KSR2: variants seen among roughly 807,000 people sequenced by gnomAD.
The protein encoded by KSR2 is kinase suppressor of ras 2.
In KSR2, 25 loss-of-function variants were observed where a neutral mutation model predicts 107.8. The ratio of observed to expected loss-of-function variants is 0.23; its 90% CI spans 0.17 to 0.32. The LOEUF (loss-of-function observed/expected upper bound fraction) is 0.32, where lower values mean the gene tolerates loss of function less well. Among genes scored for constraint, KSR2 ranks in the 10% least tolerant of loss-of-function variants. The pLI, the probability that KSR2 is intolerant of heterozygous loss-of-function variation, is 1.00. For synonymous variants in KSR2, 480 were observed against 507.0 expected, an observed-to-expected ratio of 0.95 and a Z score of 0.71; for missense variants, 887 against 1,268.9, an observed-to-expected ratio of 0.70 and a Z score of 4.57.
At chr12:117,840,876 C>T (rs34084814) in intron 3 of KSR2, among the ~76,000 whole-genome samples, 23,088 of 151,920 alleles carry the variant, frequency 0.15, 3,142 homozygotes, top group African/African-American at 0.37. Flanking sequence ...GTGGTGGGTG[C>T]CTGTAATCCC....
intron 1 of KSR2, among the ~76,000 whole-genome samples, chr12:117,917,099 C>T (rs1237745493): frequency 6.6e-6 from 1 of 152,186 alleles, no homozygotes; most frequent in Non-Finnish European, 1.5e-5. Context: ...CACCATCCTC[C>T]CCAAAGTCGT....
At chr12:117,768,029 A>G (rs1889307600) in intron 3 of KSR2, among the ~76,000 whole-genome samples, 1 of 152,120 alleles carries the variant, frequency 6.6e-6, no homozygotes, top group South Asian at 2.1e-4. Flanking sequence ...CTGGTCCACC[A>G]CACCACACAG....
rs12579989 is a variant in KSR2, at chr12:117,651,222, C to T, written c.1171+16252G>A. ...GTCTGAGGGGATAAACCCTGCCCTG[C>T]CTGAGGCAACAGTGATGGCCTCCTC... On this transcript the variant is annotated intron_variant, in intron 5 of 19. Transcript: ENST00000339824. Among the ~76,000 whole-genome samples, 20 of 152,314 alleles carry T rather than the reference C, an allele frequency of 1.3e-4. No homozygotes were observed. The East Asian group carries it at 3.7e-3, about 28-fold the overall frequency.
At chr12:117,543,419 T>G (rs1414733105) in intron 9 of KSR2, among the ~76,000 whole-genome samples, 1 of 152,198 alleles carries the variant, frequency 6.6e-6, no homozygotes, top group African/African-American at 2.4e-5. Context: ...GTATATCCAT[T>G]TTGGTCTTGA....
intron 1 of KSR2, among the ~76,000 whole-genome samples, chr12:117,926,248 C>T (rs575216979): frequency 6.2e-4 from 95 of 152,244 alleles, no homozygotes; most frequent in African/African-American, 2.2e-3. Context: ...AGCTCTCTCC[C>T]CATCCCAGCC....
chr12:117,730,814 A>G (rs1454968614), intron 4 of KSR2, among the ~76,000 whole-genome samples: 3 of 152,238 alleles, frequency 2.0e-5, no homozygotes, highest in African/African-American at 7.2e-5. Context: ...TCAGTGCTCA[A>G]TGTTGCCCAG....
At chr12:117,634,860 C>T (rs150592902) in intron 5 of KSR2, among the ~76,000 whole-genome samples, 76 of 152,298 alleles carry the variant, frequency 5.0e-4, no homozygotes, top group Middle Eastern at 3.4e-3. Flanking sequence ...AAGGCAGACC[C>T]TCTGGCCACC....
At chr12:117,777,634 C>T (rs11609400) in intron 3 of KSR2, among the ~76,000 whole-genome samples, 3,569 of 152,248 alleles carry the variant, frequency 0.023, 50 homozygotes, top group Non-Finnish European at 0.038. Flanking sequence ...TGTTGTTATC[C>T]GTTTATCATC....
At chr12:117,470,377 A>C (rs537163107) in intron 18 of KSR2, among the ~76,000 whole-genome samples, 21 of 150,200 alleles carry the variant, frequency 1.4e-4, no homozygotes, top group African/African-American at 4.9e-4. Context: ...TTAATTCTTC[A>C]TCCTTCATTA....
chr12:117,594,372 T>C (rs1300969739), intron 5 of KSR2, among the ~76,000 whole-genome samples: 2 of 152,200 alleles, frequency 1.3e-5, no homozygotes, highest in African/African-American at 2.4e-5. Flanking sequence ...CTCTCTCAGT[T>C]TCCTGAGACT....
At chr12:117,781,643 C>CA (rs1372677210) in intron 3 of KSR2, among the ~76,000 whole-genome samples, 2 of 152,286 alleles carry the variant, frequency 1.3e-5, no homozygotes, top group African/African-American at 4.8e-5. Context: ...TCCTGATGCT[C>CA]AGGGACCATG....
At chr12:117,592,115 C>G (rs570819619) in intron 5 of KSR2, among the ~76,000 whole-genome samples, 1 of 151,726 alleles carries the variant, frequency 6.6e-6, no homozygotes, top group Non-Finnish European at 1.5e-5. Context: ...ATCGCTTTCC[C>G]CCCAACTTTT....
chr12:117,885,498 A>C (rs1018685391), intron 1 of KSR2, among the ~76,000 whole-genome samples: 1 of 152,136 alleles, frequency 6.6e-6, no homozygotes, highest in Non-Finnish European at 1.5e-5. Context: ...TGCTGGGGTT[A>C]TCTCTGGGGA....
chr12:117,721,749 C>A (rs183084566), intron 4 of KSR2, among the ~76,000 whole-genome samples: 4 of 152,308 alleles, frequency 2.6e-5, no homozygotes, highest in Admixed American at 2.6e-4. Context: ...AAGAAACTGG[C>A]ATCTTATTTC....
chr12:117,455,026 CAGACAGACAG>C lies in KSR2; in HGVS notation c.*12163_*12172del, dbSNP rs1244573090. 1.8e-5 allele frequency: 2 copies of C among 112,584 alleles called. No homozygotes were observed. The highest frequency in any genetic ancestry group is 3.6e-5 in the African/African-American group (1 of 27,558). The allele number at this position is 112,584 out of a possible 1,614,324, so 7.0% of individuals were successfully genotyped here. A position where few individuals can be genotyped will look rare whatever the true frequency, so the allele number is the denominator to read the frequency against. ...GCAGAGACAGAGACAGACACAGAGA[CAGACAGACAG>C]AGAGAGAGAGAGAGAGAGAGAGAGA... On this transcript the variant is annotated 3_prime_UTR_variant, in exon 20 of 20. Transcript: ENST00000339824.
intron 4 of KSR2, among the ~76,000 whole-genome samples, chr12:117,710,763 T>A (rs1341633876): frequency 6.6e-6 from 1 of 152,170 alleles, no homozygotes; most frequent in East Asian, 1.9e-4. Context: ...AGTACTATCA[T>A]GATGGTGATA....
At chr12:117,659,502 C>T (rs541539899) in intron 5 of KSR2, among the ~76,000 whole-genome samples, 10 of 152,168 alleles carry the variant, frequency 6.6e-5, no homozygotes, top group East Asian at 5.8e-4. Context: ...AACAAAGACA[C>T]GCTAACTTCC....
chr12:117,716,055 T>C (rs532107981), intron 4 of KSR2, among the ~76,000 whole-genome samples: 15 of 152,322 alleles, frequency 9.8e-5, no homozygotes, highest in African/African-American at 3.6e-4. Flanking sequence ...TCATGATCAC[T>C]GTATAAGTCT....
chr12:117,873,841 G>T (rs1255731853), intron 1 of KSR2, among the ~76,000 whole-genome samples: 1 of 152,176 alleles, frequency 6.6e-6, no homozygotes, highest in Non-Finnish European at 1.5e-5. Context: ...GGCTATTTCA[G>T]GTGGCACCTG....
Sources: gnomAD v4.1 joint callset for allele counts (sites outside exome capture counted in the v4.1 genomes callset) on GRCh38, gnomAD v4.1.1 for gene constraint, MANE v1.5 for transcripts, NCBI Gene and HGNC (gene_info 2026-07-23, HGNC 2026-07-21) for gene names.